The following PHTF2 variants were observed in gnomAD, a reference collection of about 807,000 sequenced individuals.
The protein encoded by PHTF2 is putative homeodomain transcription factor 2, also known as protein PHTF2.
PHTF2 carries 60 observed loss-of-function variants against 101.2 expected under a neutral mutation model. That is an observed-to-expected ratio of 0.59 (90% CI 0.48 to 0.73). The LOEUF (loss-of-function observed/expected upper bound fraction) is 0.73, where lower values mean the gene tolerates loss of function less well. Among genes scored for constraint, PHTF2 ranks in the 30% least tolerant of loss-of-function variants. The pLI, the probability that PHTF2 is intolerant of heterozygous loss-of-function variation, is 0.00. For missense variants in PHTF2, 747 were observed against 908.7 expected (o/e 0.82, Z 2.29); for synonymous variants, 311 against 307.3 (o/e 1.01, Z -0.13).
intron 2 of PHTF2, among the ~76,000 whole-genome samples, chr7:77,845,170 A>C (rs1432055660): frequency 1.3e-5 from 2 of 152,236 alleles, no homozygotes; most frequent in Non-Finnish European, 2.9e-5. Context: ...AATTACATGT[A>C]TTGAAAGATA....
At chr7:77,883,540 A>G (rs910127074) in intron 3 of PHTF2, among the ~76,000 whole-genome samples, 6 of 152,178 alleles carry the variant, frequency 3.9e-5, no homozygotes, top group African/African-American at 1.4e-4. Flanking sequence ...TGGCAATGCA[A>G]ACCATATATT....
At chr7:77,912,758 G>T (rs1348499818) in intron 9 of PHTF2, among the ~76,000 whole-genome samples, 2 of 94,670 alleles carry the variant, frequency 2.1e-5, no homozygotes, top group Non-Finnish European at 3.9e-5. Context: ...TTGAGACAGG[G>T]TCTCACTGCT....
chr7:77,931,788 G>A (rs1804594628), intron 12 of PHTF2, among the ~76,000 whole-genome samples: 1 of 152,050 alleles, frequency 6.6e-6, no homozygotes, highest in African/African-American at 2.4e-5. Context: ...CAATAATAGT[G>A]GAATTAATAA....
chr7:77,849,771 TGTA>T (rs1796590638), intron 2 of PHTF2, among the ~76,000 whole-genome samples: 2 of 152,226 alleles, frequency 1.3e-5, no homozygotes, highest in South Asian at 4.1e-4. Context: ...CTGCAGCTAT[TGTA>T]AATGGGATTA....
intron 16 of PHTF2, among the ~76,000 whole-genome samples, chr7:77,947,540 G>T (rs557393340): frequency 1.3e-5 from 2 of 152,084 alleles, no homozygotes; most frequent in African/African-American, 4.8e-5. Flanking sequence ...TCCAGCCTGG[G>T]CGACAGAGTG....
intron 1 of PHTF2, among the ~76,000 whole-genome samples, chr7:77,831,722 C>T (rs1795091396): frequency 6.6e-6 from 1 of 152,186 alleles, no homozygotes; most frequent in Non-Finnish European, 1.5e-5. Flanking sequence ...GCACGGCTGC[C>T]ATGACTGGAC....
intron 9 of PHTF2, among the ~76,000 whole-genome samples, chr7:77,913,168 A>G (rs1802565556): frequency 2.0e-5 from 3 of 152,068 alleles, no homozygotes; most frequent in Admixed American, 2.0e-4. Context: ...CGGGTGGATC[A>G]CCTGAGGTCA....
intron 9 of PHTF2, among the ~76,000 whole-genome samples, chr7:77,912,572 A>G (rs1802496181): frequency 1.3e-5 from 2 of 152,162 alleles, no homozygotes; most frequent in Non-Finnish European, 2.9e-5. Context: ...ATAGGAAAAT[A>G]AATTAATAAC....
At chr7:77,830,988 C>T (rs1385283187) in intron 1 of PHTF2, among the ~76,000 whole-genome samples, 1 of 152,076 alleles carries the variant, frequency 6.6e-6, no homozygotes, top group Non-Finnish European at 1.5e-5. Flanking sequence ...GGGGGAAGAC[C>T]CAATGATGAG....
intron 1 of PHTF2, among the ~76,000 whole-genome samples, chr7:77,813,363 A>G (rs932914042): frequency 6.6e-6 from 1 of 152,218 alleles, no homozygotes; most frequent in Admixed American, 6.5e-5. Context: ...TGTGCTTTAT[A>G]CTACCCGTAG....
At chr7:77,871,719 T>C (rs61323542) in intron 3 of PHTF2, among the ~76,000 whole-genome samples, 19,429 of 152,166 alleles carry the variant, frequency 0.13, 1,516 homozygotes, top group African/African-American at 0.21. Context: ...TTCGAAAGGG[T>C]ATTCCACTGT....
chr7:77,900,794 A>G lies in PHTF2; in HGVS notation c.286+14A>G. On this transcript the variant is annotated intron_variant, in intron 6 of 19. Coordinates refer to ENST00000416283, the Ensembl canonical transcript of PHTF2. ...ATCTTGTAAGAGGTGAGTCTGATAA[A>G]TAAATGCTTAATACAAGTAGACATT... 2 of 1,267,176 alleles carry G rather than the reference A, an allele frequency of 1.6e-6. No homozygotes were observed. Among genetic ancestry groups the G allele is most frequent in the South Asian group, 1.2e-5 (1 of 83,794 alleles). The allele number at this position is 1,267,176 out of a possible 1,614,324, so 78.5% of individuals were successfully genotyped here.
At chr7:77,920,586 T>C in intron 10 of PHTF2, 121 bp downstream of exon 9, 3 of 701,180 alleles carry the variant, frequency 4.3e-6, no homozygotes, top group Non-Finnish European at 7.4e-6. Flanking sequence ...CTGTGAGCGT[T>C]TATAACACTG....
At chr7:77,920,386 A>G (rs781287451) in exon 10 of PHTF2, 10 of 1,613,264 alleles carry the variant, frequency 6.2e-6, no homozygotes, top group Non-Finnish European at 8.5e-6. Context: ...GGAATACAAA[A>G]CCATGAACCT....
chr7:77,805,621 G>A (rs964362105), intron 1 of PHTF2, among the ~76,000 whole-genome samples: 45 of 152,236 alleles, frequency 3.0e-4, no homozygotes, highest in Middle Eastern at 3.4e-3. Flanking sequence ...TTGAAGTTCA[G>A]AATCCTTGAT....
At chr7:77,922,754 T>G (rs372001885) in exon 11 of PHTF2, 1 of 1,602,422 alleles carries the variant, frequency 6.2e-7, no homozygotes, top group Non-Finnish European at 8.5e-7. Context: ...AGTCACACCA[T>G]TATAAGAAAC....
chr7:77,865,057 A>G (rs1444128856), intron 3 of PHTF2, among the ~76,000 whole-genome samples: 2 of 152,012 alleles, frequency 1.3e-5, no homozygotes, highest in Non-Finnish European at 2.9e-5. Flanking sequence ...GATAGTATTC[A>G]CTGAGGAAAA....
chr7:77,951,524 C>T (rs770976222), intron 17 of PHTF2, 93 bp from the exon 17 acceptor site: 8 of 580,508 alleles, frequency 1.4e-5, no homozygotes, highest in Non-Finnish European at 2.1e-5. Context: ...CACCTATAAT[C>T]TCAATAACCA....
chr7:77,912,749 T>A, intron 9 of PHTF2, among the ~76,000 whole-genome samples: 1 of 87,300 alleles, frequency 1.1e-5, no homozygotes, highest in South Asian at 3.6e-4. Context: ...TTTTTTTTTT[T>A]GAGACAGGGT....
Sources: allele counts gnomAD v4.1 joint callset (sites outside exome capture counted in the v4.1 genomes callset), GRCh38; gene constraint gnomAD v4.1.1; transcripts MANE v1.5; gene names NCBI Gene and HGNC (gene_info 2026-07-23, HGNC 2026-07-21).